The following HDAC9 variants were observed in gnomAD, a reference collection of about 807,000 sequenced individuals.
HDAC9 encodes the protein histone deacetylase 9, also known as MEF-2 interacting transcription repressor (MITR) protein.
HDAC9 carries 41 observed loss-of-function variants against 139.4 expected under a neutral mutation model. That is an observed-to-expected ratio of 0.29 (90% CI 0.23 to 0.38). The LOEUF (loss-of-function observed/expected upper bound fraction) is 0.38, where lower values mean the gene tolerates loss of function less well. Ranked by LOEUF, HDAC9 falls within the 10% of genes least tolerant of loss-of-function variation. The pLI is 1.00. For missense variants in HDAC9, 1,147 were observed against 1,297.0 expected (o/e 0.88, Z 1.78); for synonymous variants, 517 against 476.2 (o/e 1.09, Z -1.12).
In HDAC9 at chr7:18,830,773, C is replaced by T. The variant is rs940874925; in HGVS notation, c.2466+1225C>T. Among the ~76,000 whole-genome samples, 13 of 152,280 alleles carry T rather than the reference C, an allele frequency of 8.5e-5. No individual in the cohort carries two copies. In the East Asian group the frequency reaches 1.2e-3, roughly 14 times the overall value. On this transcript the variant is annotated intron_variant, in intron 19 of 25. Transcript: ENST00000686413. ...TAACTATCCATGTATTTTCCATACA[C>T]GCCTGAGTCTCAATGTCAGGCATAG...
Position 18,582,520 on chromosome 7 carries a change from A to ATTTT in HDAC9, c.23-2758_23-2755dup, listed in dbSNP as rs372889538. ...GACTACATTGCTTATATATATATATATTTTTTAAATGGTTATCATAGTGTA... is the reference window on the plus strand; with the variant it reads ...GACTACATTGCTTATATATATATATATTTTTTTTTTAAATGGTTATCATAGTGTA... On this transcript the variant is annotated intron_variant, in intron 2 of 25. Coordinates refer to ENST00000686413, the MANE Select transcript of HDAC9 (RefSeq NM_178425.4). Among the ~76,000 whole-genome samples, 554 of 151,992 alleles carry ATTTT rather than the reference A, an allele frequency of 3.6e-3. 5 individuals are homozygous for ATTTT. Among genetic ancestry groups the ATTTT allele is most frequent in the African/African-American group, 0.013 (543 of 41,454 alleles).
chr7:18,730,182 A>C (rs1407664238), intron 13 of HDAC9, among the ~76,000 whole-genome samples: 1 of 152,196 alleles, frequency 6.6e-6, no homozygotes, highest in Non-Finnish European at 1.5e-5. Flanking sequence ...GATATGTAAC[A>C]TTCATTTAGT....
At chr7:18,214,156 C>T (rs1792133669) in intron 2 of HDAC9, among the ~76,000 whole-genome samples, 1 of 152,014 alleles carries the variant, frequency 6.6e-6, no homozygotes, top group African/African-American at 2.4e-5. Context: ...ATAAGGATGT[C>T]ACTATTAATA....
intron 22 of HDAC9, among the ~76,000 whole-genome samples, chr7:18,880,843 CG>C (rs33919260): frequency 0.78 from 107,902 of 139,178 alleles, 42,508 homozygotes; most frequent in Non-Finnish European, 0.86. Context: ...TAATAGTTGC[CG>C]GGGGGGGGGG....
intron 22 of HDAC9, among the ~76,000 whole-genome samples, chr7:18,929,885 G>A (rs1476108893): frequency 6.6e-6 from 1 of 151,988 alleles, no homozygotes; most frequent in Non-Finnish European, 1.5e-5. Context: ...GTTGCAGTGA[G>A]CTGAGATCAC....
At chr7:18,615,121 G>C (rs757066060) in intron 6 of HDAC9, among the ~76,000 whole-genome samples, 52 of 151,570 alleles carry the variant, frequency 3.4e-4, no homozygotes, top group Non-Finnish European at 6.3e-4. Flanking sequence ...TGATTTACCA[G>C]ATGGAAGGTT....
intron 22 of HDAC9, among the ~76,000 whole-genome samples, chr7:18,933,979 G>C (rs1781441814): frequency 6.6e-6 from 1 of 152,048 alleles, no homozygotes; most frequent in South Asian, 2.1e-4. Flanking sequence ...ATGCAGGACA[G>C]AGAGAGATGG....
intron 17 of HDAC9, among the ~76,000 whole-genome samples, chr7:18,811,023 CTGTA>C (rs1421965937): frequency 6.6e-6 from 1 of 151,800 alleles, no homozygotes; most frequent in Non-Finnish European, 1.5e-5. Context: ...TACAGCTTAA[CTGTA>C]TGTGTATTTT....
intron 22 of HDAC9, among the ~76,000 whole-genome samples, chr7:18,875,927 A>C (rs927274016): frequency 2.9e-4 from 44 of 152,184 alleles, no homozygotes; most frequent in Non-Finnish European, 1.2e-4. Flanking sequence ...CGAAGAAAGA[A>C]GGAACTCTGG....
At chr7:18,601,033 A>C (rs1360326032) in intron 6 of HDAC9, among the ~76,000 whole-genome samples, 1 of 152,130 alleles carries the variant, frequency 6.6e-6, no homozygotes, top group Non-Finnish European at 1.5e-5. Context: ...CTGGGACTTT[A>C]ACTGGGATTA....
At chr7:18,987,231 G>A (rs993897471) in intron 25 of HDAC9, among the ~76,000 whole-genome samples, 23 of 152,032 alleles carry the variant, frequency 1.5e-4, no homozygotes, top group Non-Finnish European at 2.2e-4. Flanking sequence ...TATTAATTTG[G>A]AATACGTCCC....
At chr7:18,756,481 C>A (rs1011250824) in intron 14 of HDAC9, among the ~76,000 whole-genome samples, 82 of 152,332 alleles carry the variant, frequency 5.4e-4, no homozygotes, top group African/African-American at 1.9e-3. Context: ...AATCCTTATT[C>A]AGGTTTCCTG....
intron 6 of HDAC9, among the ~76,000 whole-genome samples, chr7:18,612,492 A>C (rs706084): frequency 1.3e-5 from 2 of 151,940 alleles, no homozygotes; most frequent in Non-Finnish European, 2.9e-5. Flanking sequence ...AAGGACAGAT[A>C]ATATGCATAT....
At position 18,131,401 on chromosome 7, in the gene HDAC9, A is replaced by G. The variant is rs529379580; in HGVS notation, c.-96-30828A>G. On this transcript the variant is annotated intron_variant, in intron 1 of 12. Coordinates refer to the HDAC9 transcript ENST00000417496. ...CTGAAAATCAAAATGTTATGGTTAA[A>G]GAACGAGTTTAGTAGCACTAATCAG... is the stretch of plus-strand genomic sequence containing the variant. Among the ~76,000 whole-genome samples, 14 of 152,324 alleles carry G rather than the reference A, an allele frequency of 9.2e-5. 1 individual carries two copies. In the South Asian group the frequency reaches 2.9e-3, roughly 32 times the overall value.
rs112247433 is a variant in HDAC9, at chr7:18,650,990, G to C, written c.1467+2307G>C. ...TTTTACCTGCCCTCAGTTGTCTAAG[G>C]GGACAGAGAGGAAGCTTATTAAAGA... On this transcript the variant is annotated intron_variant, in intron 11 of 25. Coordinates refer to ENST00000686413, the MANE Select transcript of HDAC9 (RefSeq NM_178425.4). 2.3e-4 allele frequency among the ~76,000 whole-genome samples: 35 copies of C among 152,226 alleles called. 2 individuals are homozygous for C. The highest frequency in any genetic ancestry group is 8.4e-4 in the African/African-American group (35 of 41,558).
At chr7:18,191,402 T>G (rs987348838) in intron 2 of HDAC9, among the ~76,000 whole-genome samples, 1 of 152,206 alleles carries the variant, frequency 6.6e-6, no homozygotes, top group Non-Finnish European at 1.5e-5. Context: ...TTCTCCATAG[T>G]CTTATCACTC....
intron 2 of HDAC9, among the ~76,000 whole-genome samples, chr7:18,208,920 C>T (rs1044488846): frequency 2.6e-5 from 4 of 152,142 alleles, no homozygotes; most frequent in Admixed American, 6.6e-5. Flanking sequence ...CTCATATGTG[C>T]ATTTTTTGCA....
At chr7:18,927,076 A>C (rs1804298633) in intron 22 of HDAC9, among the ~76,000 whole-genome samples, 1 of 152,200 alleles carries the variant, frequency 6.6e-6, no homozygotes, top group Non-Finnish European at 1.5e-5. Flanking sequence ...TATGTTCATA[A>C]ATTTACATTT....
intron 2 of HDAC9, among the ~76,000 whole-genome samples, chr7:18,235,154 T>C (rs972338936): frequency 1.3e-5 from 2 of 152,204 alleles, no homozygotes; most frequent in Admixed American, 6.6e-5. Flanking sequence ...GGAGTACATA[T>C]GGTAAAACAC....
Sources: allele counts gnomAD v4.1 joint callset (sites outside exome capture counted in the v4.1 genomes callset), GRCh38; gene constraint gnomAD v4.1.1; transcripts MANE v1.5; gene names NCBI Gene and HGNC (gene_info 2026-07-23, HGNC 2026-07-21).